The following ZNF730 variants were observed in gnomAD, a reference collection of about 807,000 sequenced individuals.
ZNF730 encodes the protein zinc finger protein 730.
ZNF730 carries 12 observed loss-of-function variants against 12.6 expected under a neutral mutation model. The ratio of observed to expected loss-of-function variants is 0.95; its 90% CI spans 0.61 to 1.54. The LOEUF (loss-of-function observed/expected upper bound fraction) is 1.54. Ranked by LOEUF, ZNF730 falls within the 40% of genes most tolerant of loss-of-function variation. The pLI is 0.00. For missense variants in ZNF730, 643 were observed against 583.5 expected, an observed-to-expected ratio of 1.10 and a Z score of -1.05; for synonymous variants, 194 against 195.8, an observed-to-expected ratio of 0.99 and a Z score of 0.08.
At chr19:23,140,075 G>A (rs2145687202) in intron 3 of ZNF730, among the ~76,000 whole-genome samples, 1 of 152,120 alleles carries the variant, frequency 6.6e-6, no homozygotes, top group East Asian at 1.9e-4. Flanking sequence ...ATGTGTGTGT[G>A]TGTGTGTGTA....
rs911253290 is a variant in ZNF730 at position 23,128,230 on chromosome 19, A to G, written c.4-5850A>G. On this transcript the variant is annotated intron_variant, in intron 1 of 3. Transcript: ENST00000597761. ...GTTCCCTGGTTATGATTCTGAAAGCAAGGACTTTAATGCAGCAGTACACCA... is the reference window on the plus strand; with the variant it reads ...GTTCCCTGGTTATGATTCTGAAAGCGAGGACTTTAATGCAGCAGTACACCA... 4 of 739,984 alleles carry G rather than the reference A, an allele frequency of 5.4e-6. No homozygotes were observed. In the African/African-American group the frequency reaches 6.9e-5, roughly 13 times the overall value. The allele number at this position is 739,984 out of a possible 1,614,324, so 45.8% of individuals were successfully genotyped here.
intron 1 of ZNF730, among the ~76,000 whole-genome samples, chr19:23,101,594 G>C (rs1970336632): frequency 6.6e-6 from 1 of 152,190 alleles, no homozygotes; most frequent in African/African-American, 2.4e-5. Context: ...CCACAGATGA[G>C]ATTGTGACAT....
At chr19:23,103,992 G>A (rs993435417) in intron 1 of ZNF730, among the ~76,000 whole-genome samples, 1 of 152,064 alleles carries the variant, frequency 6.6e-6, no homozygotes, top group African/African-American at 2.4e-5. Context: ...CTTGGAGATT[G>A]TGACATTGGA....
intron 1 of ZNF730, among the ~76,000 whole-genome samples, chr19:23,101,112 C>T (rs1054257271): frequency 3.3e-5 from 5 of 152,222 alleles, no homozygotes; most frequent in Non-Finnish European, 7.3e-5. Flanking sequence ...GATTACCACT[C>T]TTGCATATTG....
chr19:23,114,588 A>G (rs556874479), upstream of ZNF730, among the ~76,000 whole-genome samples: 17 of 151,844 alleles, frequency 1.1e-4, no homozygotes, highest in South Asian at 3.3e-3. Flanking sequence ...TCCTGACTTC[A>G]TGATCCGCCC....
At chr19:23,077,652 G>A (rs1599560268) in intron 1 of ZNF730, among the ~76,000 whole-genome samples, 1 of 151,716 alleles carries the variant, frequency 6.6e-6, no homozygotes. Context: ...ATGTTGGCCA[G>A]GCTGGTCTTG....
At chr19:23,140,545 A>G (rs919081856) in intron 3 of ZNF730, among the ~76,000 whole-genome samples, 2 of 150,188 alleles carry the variant, frequency 1.3e-5, no homozygotes, top group Non-Finnish European at 3.0e-5. Context: ...CAGGAGGCAG[A>G]GGTTGCAGTG....
chr19:23,132,012 C>T (rs147263501), intron 1 of ZNF730, among the ~76,000 whole-genome samples: 2 of 152,042 alleles, frequency 1.3e-5, no homozygotes, highest in Non-Finnish European at 2.9e-5. Context: ...GTGTGGCCCA[C>T]GTTTTTCTTA....
intron 2 of ZNF730, among the ~76,000 whole-genome samples, chr19:23,135,529 G>A: frequency 6.7e-6 from 1 of 149,846 alleles, no homozygotes; most frequent in Non-Finnish European, 1.5e-5. Context: ...TATTTTTTTG[G>A]AGACAGAGTC....
At position 23,109,140 on chromosome 19, in the gene ZNF730, T is replaced by G. The variant is rs138226521; in HGVS notation, c.-93-24940T>G. ...AAAGAATAAGAAACAGAATTTTTTT[T>G]TTGTTGAATTACATGGAAAGCATTG... On this transcript the variant is annotated intron_variant, in intron 1 of 2. Coordinates refer to the ZNF730 transcript ENST00000593635. Among the ~76,000 whole-genome samples, 563 of 152,296 alleles carry G rather than the reference T, an allele frequency of 3.7e-3. 6 individuals are homozygous for G. Among genetic ancestry groups the G allele is most frequent in the African/African-American group, 0.013 (532 of 41,574 alleles).
intron 1 of ZNF730, among the ~76,000 whole-genome samples, chr19:23,078,613 C>CG (rs1969908673): frequency 6.6e-6 from 1 of 152,090 alleles, no homozygotes; most frequent in Admixed American, 6.5e-5. Context: ...ACTCAGAGAC[C>CG]GGTGCTGGCA....
chr19:23,101,486 T>A (rs967526963), intron 1 of ZNF730, among the ~76,000 whole-genome samples: 22 of 152,228 alleles, frequency 1.4e-4, no homozygotes, highest in Non-Finnish European at 2.8e-4. Context: ...CCTGGACATA[T>A]ATGGAATTTC....
At position 23,075,644 on chromosome 19, in the gene ZNF730, T is replaced by C. The variant is rs377439418; in HGVS notation, c.-94+257T>C. Among the ~76,000 whole-genome samples the C allele has an allele frequency of 5.3e-4, 81 of 152,144 alleles. No homozygotes were observed. In the East Asian group the frequency reaches 0.013, roughly 25 times the overall value. On this transcript the variant is annotated intron_variant, in intron 1 of 2. Transcript: ENST00000593635. ...CCGCAGCCCCGAGTATTTCCCAGAGTGCTTAGGGATGCCAGGCGGGTCATC... is the reference window on the plus strand; with the variant it reads ...CCGCAGCCCCGAGTATTTCCCAGAGCGCTTAGGGATGCCAGGCGGGTCATC...
At chr19:23,085,826 A>ATTTTTTTTCT (rs1970051324) in intron 1 of ZNF730, among the ~76,000 whole-genome samples, 1 of 72,546 alleles carries the variant, frequency 1.4e-5, no homozygotes, top group Non-Finnish European at 2.8e-5. Flanking sequence ...ATTTCACCCA[A>ATTTTTTTTCT]TTTTTTTTTC....
chr19:23,117,139 C>A lies in ZNF730; in HGVS notation c.-35C>A. 1 of 1,613,722 alleles carries A rather than the reference C, an allele frequency of 6.2e-7. No homozygotes were observed. The highest frequency in any genetic ancestry group is 8.5e-7 in the Non-Finnish European group (1 of 1,179,686). On this transcript the variant is annotated 5_prime_UTR_variant, in exon 1 of 4. Coordinates refer to ENST00000597761, the MANE Select transcript of ZNF730 (RefSeq NM_001277403.2). ...CGACCTGCGGGTATTGGGAGATCCA[C>A]AGCTAAGACGCCAGGGCCCCCTGGA...
At position 23,145,729 on chromosome 19, in the gene ZNF730, A is replaced by G. The variant is rs1435467886; in HGVS notation, c.685A>G (p.Lys229Glu). Residue 229 changes from lysine to glutamate, a missense_variant, in exon 4 of 4, where the codon AAA (lysine) becomes GAA (glutamate). Lys to Glu is a moderately conservative substitution (Grantham distance 56). Coordinates refer to ENST00000597761, the MANE Select transcript of ZNF730 (RefSeq NM_001277403.2). ...AAGAATTACTGAGAAAAAACCTTAC[A>G]AATGTAAAGAATGTGGCAAAGCCTT... ...HKRITEKKPY[K>E]CKECGKAFNW... 1.9e-6 allele frequency: 3 copies of G among 1,558,790 alleles called. No individual in the cohort carries two copies. Among genetic ancestry groups the G allele is most frequent in the Non-Finnish European group, 2.6e-6 (3 of 1,153,146 alleles).
rs371607122 is a variant in ZNF730 at position 23,118,551 on chromosome 19, G to A, written c.3+1375G>A. ...ATTTTCTCTCACAGGACAACAAGAG[G>A]TATGAAGTGTAGTCTCTCAAGAGAG... On this transcript the variant is annotated intron_variant, in intron 1 of 3. Coordinates refer to ENST00000597761, the MANE Select transcript of ZNF730 (RefSeq NM_001277403.2). Among the ~76,000 whole-genome samples the A allele has an allele frequency of 2.6e-5, 4 of 152,182 alleles. No individual in the cohort carries two copies. In the East Asian group the frequency reaches 7.7e-4, roughly 29 times the overall value.
chr19:23,144,200 GT>G (rs1970968907), intron 3 of ZNF730: 2 of 151,752 alleles, frequency 1.3e-5, no homozygotes. Context: ...ATATTGCCCT[GT>G]TTTGTATATA....
At position 23,088,909 on chromosome 19, in the gene ZNF730, G is replaced by C. The variant is rs1970110259; in HGVS notation, c.-94+13522G>C. Reference sequence around the variant, plus strand: ...GTTTTTGAGATGGAGTTTCTCTCTTGTTGCCCAGGCTGGAGTGCAGTGGTG... The same window carrying C: ...GTTTTTGAGATGGAGTTTCTCTCTTCTTGCCCAGGCTGGAGTGCAGTGGTG... On this transcript the variant is annotated intron_variant, in intron 1 of 2. Coordinates refer to the ZNF730 transcript ENST00000593635. Among the ~76,000 whole-genome samples, 3 of 152,058 alleles carry C rather than the reference G, an allele frequency of 2.0e-5. No homozygotes were observed. In the South Asian group the frequency reaches 6.2e-4, roughly 32 times the overall value.
Sources: allele counts gnomAD v4.1 joint callset (sites outside exome capture counted in the v4.1 genomes callset), GRCh38; gene constraint gnomAD v4.1.1; transcripts MANE v1.5; gene names NCBI Gene and HGNC (gene_info 2026-07-23, HGNC 2026-07-21).